Variants in IL1RAP observed in about 807,000 individuals in gnomAD.
The protein encoded by IL1RAP is interleukin-1 receptor accessory protein.
IL1RAP carries 35 observed loss-of-function variants against 60.7 expected under a neutral mutation model. That is an observed-to-expected ratio of 0.58 (90% confidence interval 0.44 to 0.76). IL1RAP has a LOEUF of 0.76. Among genes scored for constraint, IL1RAP ranks in the 30% least tolerant of loss-of-function variants. IL1RAP has a pLI of 0.00. For missense variants in IL1RAP, 572 were observed against 693.9 expected (o/e 0.82, Z 1.97); for synonymous variants, 268 against 250.9 (o/e 1.07, Z -0.64).
intron 1 of IL1RAP, among the ~76,000 whole-genome samples, chr3:190,545,897 A>G (rs1345565887): frequency 1.3e-5 from 2 of 152,162 alleles, no homozygotes; most frequent in African/African-American, 4.8e-5. Context: ...GTGTGAAAAA[A>G]AACTTTGTGA....
Position 190,649,512 on chromosome 3 carries a change from C to T in IL1RAP, c.*807C>T. On this transcript the variant is annotated 3_prime_UTR_variant, in exon 12 of 12. Transcript: ENST00000447382. ...CTAGGTTCAGTCTGAAAGAAATCTC[C>T]TAATGGTGCTATAGAGAGGGAGGTA... is the stretch of plus-strand genomic sequence containing the variant. The T allele has an allele frequency of 2.0e-6, 2 of 985,772 alleles. No individual in the cohort carries two copies. Among genetic ancestry groups the T allele is most frequent in the Non-Finnish European group, 2.4e-6 (2 of 829,926 alleles). The allele number at this position is 985,772 out of a possible 1,614,324, so 61.1% of individuals were successfully genotyped here.
intron 1 of IL1RAP, chr3:190,518,363 A>G (rs545829549): frequency 6.6e-6 from 1 of 152,328 alleles, no homozygotes; most frequent in Admixed American, 6.5e-5. Context: ...TCCTCTGCTA[A>G]CAACTCCTTC....
chr3:190,553,727 TCCTCTAG>T (rs1725102979), intron 1 of IL1RAP, among the ~76,000 whole-genome samples: 1 of 152,174 alleles, frequency 6.6e-6, no homozygotes, highest in Non-Finnish European at 1.5e-5. Flanking sequence ...GGGCACAGTT[TCCTCTAG>T]CCTCAGAAGT....
chr3:190,558,791 T>C (rs908921564), intron 2 of IL1RAP, among the ~76,000 whole-genome samples: 2 of 152,196 alleles, frequency 1.3e-5, no homozygotes, highest in African/African-American at 2.4e-5. Flanking sequence ...TTAGGCCATC[T>C]TGGAGAAAAT....
intron 4 of IL1RAP, among the ~76,000 whole-genome samples, chr3:190,607,926 A>C (rs1227138876): frequency 6.6e-6 from 1 of 152,104 alleles, no homozygotes; most frequent in African/African-American, 2.4e-5. Context: ...TCGTTCTATC[A>C]TGTGACAAAA....
In IL1RAP at chr3:190,650,816, A is replaced by T. The variant is rs1423407805; in HGVS notation, c.*2111A>T. 1.0e-6 allele frequency: 1 copy of T among 984,840 alleles called. No homozygotes were observed. The highest frequency in any genetic ancestry group is 1.7e-5 in the African/African-American group (1 of 57,224). 61.0% of individuals were successfully genotyped at this position (984,840 alleles called of 1,614,324 possible). On this transcript the variant is annotated 3_prime_UTR_variant, in exon 12 of 12. Coordinates refer to ENST00000447382, the MANE Select transcript of IL1RAP (RefSeq NM_002182.4). ...AGAACTTATTCCAGATAAGCTTTGA[A>T]TATCAATTCTTACATAAACTTTAGG... is the stretch of plus-strand genomic sequence containing the variant.
chr3:190,592,158 TACAGGCACGCGCCACCACACCCAGCTA>T (rs1328563551), intron 3 of IL1RAP, among the ~76,000 whole-genome samples: 1 of 152,194 alleles, frequency 6.6e-6, no homozygotes, highest in Admixed American at 6.5e-5. Flanking sequence ...TAGCTGGAAT[TACAGGCACGCGCCACCACACCCAGCTA>T]ATGTTTCTAT....
chr3:190,639,310 C>T (rs1033909520), intron 9 of IL1RAP, among the ~76,000 whole-genome samples: 6 of 152,096 alleles, frequency 3.9e-5, no homozygotes, highest in African/African-American at 2.4e-5. Context: ...TCACTGATCT[C>T]GTTATTTTTA....
At chr3:190,541,330 C>T (rs967049101) in intron 1 of IL1RAP, among the ~76,000 whole-genome samples, 1 of 152,028 alleles carries the variant, frequency 6.6e-6, no homozygotes, top group Non-Finnish European at 1.5e-5. Context: ...ACAAAAAGTA[C>T]TCAGTAATTG....
chr3:190,627,309 GTT>G lies in IL1RAP; in HGVS notation c.776-5_776-4del, dbSNP rs34908328. 1.3e-5 allele frequency: 17 copies of G among 1,347,004 alleles called. No individual in the cohort carries two copies. The highest frequency in any genetic ancestry group is 4.4e-5 in the South Asian group (3 of 68,058). The allele number at this position is 1,347,004 out of a possible 1,614,324, so 83.4% of individuals were successfully genotyped here. On this transcript the variant is annotated splice_polypyrimidine_tract_variant and intron_variant, in intron 7 of 11. Coordinates refer to ENST00000447382, the MANE Select transcript of IL1RAP (RefSeq NM_002182.4). ...GTTTTTTGTTTTTTTTGTTTTTTTG[GTT>G]TTTTTTTTCAGGAGAGGAGCTACTC...
rs1367941436 is a variant in IL1RAP at position 190,650,882 on chromosome 3, G to T, written c.*2177G>T. On this transcript the variant is annotated 3_prime_UTR_variant, in exon 12 of 12. Transcript: ENST00000447382. ...CTAGTCACCAAAGGACCATTCTCTT[G>T]CCAATGCTGCATTCCTTTTGCACTT... The T allele has an allele frequency of 1.0e-6, 1 of 985,238 alleles. No individual in the cohort carries two copies. Among genetic ancestry groups the T allele is most frequent in the Non-Finnish European group, 1.2e-6 (1 of 829,914 alleles). The allele number at this position is 985,238 out of a possible 1,614,324, so 61.0% of individuals were successfully genotyped here.
chr3:190,588,007 T>C (rs967040064), intron 3 of IL1RAP, among the ~76,000 whole-genome samples: 2 of 152,236 alleles, frequency 1.3e-5, no homozygotes, highest in African/African-American at 4.8e-5. Context: ...TTTGCAGTCT[T>C]TGGTGGGATG....
Position 190,629,463 on chromosome 3 carries a change from G to A in IL1RAP, c.1016G>A (p.Gly339Asp), listed in dbSNP as rs779485745. ...SYVCHARSAKGEVAKAAKVKQ... is the reference protein window; with the variant it reads ...SYVCHARSAKDEVAKAAKVKQ... The stretch of plus-strand genomic sequence containing the variant: ...GTCTGTCATGCTAGAAGTGCCAAAG[G>A]CGAAGTTGCCAAAGCAGCCAAGGTG... Residue 339 changes from glycine to aspartate, a missense_variant, in exon 9 of 12, where the codon GGC becomes GAC. By Grantham distance (94) the Gly-to-Asp change is moderately conservative. Coordinates refer to ENST00000447382, the MANE Select transcript of IL1RAP (RefSeq NM_002182.4). 2 of 1,613,322 alleles carry A rather than the reference G, an allele frequency of 1.2e-6. No individual in the cohort carries two copies. The highest frequency in any genetic ancestry group is 1.7e-6 in the Non-Finnish European group (2 of 1,179,732).
At chr3:190,565,818 G>A (rs141370935) in intron 3 of IL1RAP, among the ~76,000 whole-genome samples, 47 of 152,230 alleles carry the variant, frequency 3.1e-4, no homozygotes, top group African/African-American at 1.1e-3. Context: ...TTAGTTCTAT[G>A]TTTGAATGCT....
intron 3 of IL1RAP, among the ~76,000 whole-genome samples, chr3:190,580,681 A>G (rs1210317648): frequency 6.6e-6 from 1 of 152,142 alleles, no homozygotes; most frequent in East Asian, 1.9e-4. Flanking sequence ...AAAGGGTGCA[A>G]AGTTTCAGTT....
At chr3:190,607,144 AC>A (rs1396394083) in intron 4 of IL1RAP, among the ~76,000 whole-genome samples, 1 of 151,406 alleles carries the variant, frequency 6.6e-6, no homozygotes, top group Non-Finnish European at 1.5e-5. Flanking sequence ...TGCATACCCC[AC>A]CCCTTCCACT....
chr3:190,596,771 A>G (rs1208823669), intron 3 of IL1RAP, among the ~76,000 whole-genome samples: 5 of 152,226 alleles, frequency 3.3e-5, no homozygotes, highest in African/African-American at 1.2e-4. Context: ...CTGTTATTAG[A>G]GACAAATGTA....
chr3:190,540,972 T>A (rs1230163028), intron 1 of IL1RAP, among the ~76,000 whole-genome samples: 2 of 152,132 alleles, frequency 1.3e-5, no homozygotes, highest in Non-Finnish European at 2.9e-5. Context: ...ATCCTAACTT[T>A]ACCTGGTAAT....
chr3:190,579,843 A>T (rs1024937), intron 3 of IL1RAP, among the ~76,000 whole-genome samples: 53,033 of 151,958 alleles, frequency 0.35, 9,531 homozygotes, highest in East Asian at 0.52. Context: ...TATGTGGCAT[A>T]TTGTGATTGA....
Sources: allele counts gnomAD v4.1 joint callset (sites outside exome capture counted in the v4.1 genomes callset), GRCh38; gene constraint gnomAD v4.1.1; transcripts MANE v1.5; gene names NCBI Gene and HGNC (gene_info 2026-07-23, HGNC 2026-07-21).